SEC24B: variants seen among roughly 807,000 people sequenced by gnomAD.
SEC24B encodes SEC24 homolog B, COPII component.
A neutral mutation model predicts 142.8 loss-of-function variants in SEC24B; 45 were observed. The ratio of observed to expected loss-of-function variants is 0.32; its 90% CI spans 0.25 to 0.40. The LOEUF (loss-of-function observed/expected upper bound fraction) is 0.40, where lower values mean the gene tolerates loss of function less well. Ranked by LOEUF, SEC24B falls within the 10% of genes least tolerant of loss-of-function variation. The pLI, the probability that SEC24B is intolerant of heterozygous loss-of-function variation, is 1.00. For synonymous variants in SEC24B, 574 were observed against 568.2 expected, an observed-to-expected ratio of 1.01 and a Z score of -0.15; for missense variants, 1,409 against 1,526.8, an observed-to-expected ratio of 0.92 and a Z score of 1.29.
chr4:109,457,320 C>T (rs1730786255), intron 1 of SEC24B, among the ~76,000 whole-genome samples: 1 of 152,154 alleles, frequency 6.6e-6, no homozygotes, highest in South Asian at 2.1e-4. Flanking sequence ...CTTCTTAGTC[C>T]ATTTTGTGCT....
At chr4:109,518,942 G>A (rs913900276) in intron 11 of SEC24B, among the ~76,000 whole-genome samples, 2 of 151,658 alleles carry the variant, frequency 1.3e-5, no homozygotes, top group African/African-American at 4.8e-5. Context: ...TAGTAGCTGC[G>A]ACTACAAGCG....
intron 22 of SEC24B, 26 bp downstream of exon 22, chr4:109,533,711 C>G (rs779590485): frequency 7.6e-7 from 1 of 1,311,054 alleles, no homozygotes; most frequent in Non-Finnish European, 1.1e-6. Context: ...ACACCTTTAA[C>G]TTTTTGTTTG....
At chr4:109,436,732 CCAT>C (rs1257451848) in intron 1 of SEC24B, among the ~76,000 whole-genome samples, 1 of 152,172 alleles carries the variant, frequency 6.6e-6, no homozygotes, top group African/African-American at 2.4e-5. Flanking sequence ...GAGTCCCCAC[CCAT>C]CATCCCCTTT....
At chr4:109,452,739 A>AT (rs1188519363) in intron 1 of SEC24B, among the ~76,000 whole-genome samples, 3 of 151,922 alleles carry the variant, frequency 2.0e-5, no homozygotes, top group Admixed American at 6.6e-5. Context: ...TGGGTTGTCT[A>AT]TTTTTTTAGT....
At chr4:109,461,153 C>T (rs928068558) in intron 1 of SEC24B, among the ~76,000 whole-genome samples, 37 of 152,058 alleles carry the variant, frequency 2.4e-4, no homozygotes, top group African/African-American at 7.7e-4. Context: ...GAAAGACACC[C>T]AAATGAGAGT....
rs142400669 is a variant in SEC24B, at chr4:109,527,611, A to C, written c.3076+179A>C. On this transcript the variant is annotated intron_variant, in intron 18 of 23. Coordinates refer to ENST00000265175, the MANE Select transcript of SEC24B (RefSeq NM_006323.5). ...CATGGTGAAACCCCATCTCTACTAAAAATACGAAAAAATAGCCGAGCGTGG... is the reference window on the plus strand; with the variant it reads ...CATGGTGAAACCCCATCTCTACTAACAATACGAAAAAATAGCCGAGCGTGG... Among the ~76,000 whole-genome samples, 1,048 of 152,170 alleles carry C rather than the reference A, an allele frequency of 6.9e-3. 14 individuals are homozygous for C. Among genetic ancestry groups the C allele is most frequent in the African/African-American group, 0.024 (997 of 41,528 alleles).
At chr4:109,499,599 G>T (rs1319506275) in intron 6 of SEC24B, among the ~76,000 whole-genome samples, 1 of 152,186 alleles carries the variant, frequency 6.6e-6, no homozygotes, top group Non-Finnish European at 1.5e-5. Flanking sequence ...ATGTGATGGT[G>T]GTCCCATAAG....
chr4:109,539,728 C>A lies in SEC24B; in HGVS notation c.*53C>A, dbSNP rs15821. The A allele has an allele frequency of 0.098, 117,486 of 1,199,280 alleles. 6,615 individuals carry two copies. Among genetic ancestry groups the A allele is most frequent in the Middle Eastern group, 0.14 (563 of 3,930 alleles). The allele number at this position is 1,199,280 out of a possible 1,614,324, so 74.3% of individuals were successfully genotyped here. The stretch of plus-strand genomic sequence containing the variant: ...ATCTATAACCTAGGTAAAGCATAAT[C>A]TGTCAGAGAAGCGCGTGAGAAATTT... On this transcript the variant is annotated 3_prime_UTR_variant, in exon 24 of 24. Coordinates refer to ENST00000265175, the MANE Select transcript of SEC24B (RefSeq NM_006323.5).
intron 1 of SEC24B, chr4:109,449,567 TGA>T: frequency 4.4e-6 from 2 of 454,590 alleles, no homozygotes. Context: ...GCTGGAAGTT[TGA>T]GAGAGTGTCA....
chr4:109,465,399 T>G (rs942961343), intron 2 of SEC24B, among the ~76,000 whole-genome samples: 9 of 152,228 alleles, frequency 5.9e-5, no homozygotes, highest in Admixed American at 5.9e-4. Flanking sequence ...TAAATTTTAC[T>G]GTAGTCCTTT....
chr4:109,467,916 C>T (rs1327741990), intron 2 of SEC24B, among the ~76,000 whole-genome samples: 2 of 152,054 alleles, frequency 1.3e-5, no homozygotes, highest in African/African-American at 4.8e-5. Flanking sequence ...TTATATAATT[C>T]TTCACAGTTG....
intron 17 of SEC24B, 103 bp from the exon 18 acceptor site, chr4:109,527,218 CA>C (rs71594190): frequency 0.31 from 194,772 of 619,850 alleles, 9,887 homozygotes; most frequent in African/African-American, 0.63. Context: ...GACTCCGTCT[CA>C]AAAAAAAAAA....
chr4:109,460,226 T>G (rs1187893519), intron 1 of SEC24B, among the ~76,000 whole-genome samples: 1 of 152,196 alleles, frequency 6.6e-6, no homozygotes, highest in Non-Finnish European at 1.5e-5. Flanking sequence ...TCCATTACAT[T>G]ACTTAGTACA....
chr4:109,444,472 A>ATTTT (rs796951465), intron 1 of SEC24B, among the ~76,000 whole-genome samples: 8 of 128,262 alleles, frequency 6.2e-5, no homozygotes, highest in African/African-American at 1.7e-4. Flanking sequence ...AGATCCTGTG[A>ATTTT]TTTTTTTTTT....
chr4:109,444,280 A>G (rs2125897261), intron 1 of SEC24B, among the ~76,000 whole-genome samples: 1 of 152,172 alleles, frequency 6.6e-6, no homozygotes, highest in South Asian at 2.1e-4. Context: ...AGTTCCTAGA[A>G]ATTGTCCTAA....
intron 3 of SEC24B, among the ~76,000 whole-genome samples, chr4:109,474,424 GTT>G (rs71594186): frequency 1.1e-4 from 14 of 130,072 alleles, no homozygotes; most frequent in East Asian, 4.4e-4. Context: ...TCTTCCTATT[GTT>G]TTTTTTTTTT....
At chr4:109,499,899 C>T (rs1280882890) in intron 6 of SEC24B, among the ~76,000 whole-genome samples, 2 of 152,178 alleles carry the variant, frequency 1.3e-5, no homozygotes, top group African/African-American at 4.8e-5. Context: ...AGCAGCCTCA[C>T]ACAGGTCCTC....
chr4:109,498,824 G>A (rs1006451310), intron 6 of SEC24B, among the ~76,000 whole-genome samples: 2 of 151,902 alleles, frequency 1.3e-5, no homozygotes, highest in Non-Finnish European at 2.9e-5. Flanking sequence ...ATTAATTTGA[G>A]ATGACTTATT....
At chr4:109,488,053 A>G (rs1734566803) in intron 4 of SEC24B, among the ~76,000 whole-genome samples, 1 of 152,084 alleles carries the variant, frequency 6.6e-6, no homozygotes, top group Non-Finnish European at 1.5e-5. Flanking sequence ...ATTTCTTGAT[A>G]TATACATTTA....
Sources: allele counts gnomAD v4.1 joint callset (sites outside exome capture counted in the v4.1 genomes callset), GRCh38; gene constraint gnomAD v4.1.1; transcripts MANE v1.5; gene names NCBI Gene and HGNC (gene_info 2026-07-23, HGNC 2026-07-21).